Variants in CEP85L observed in about 807,000 individuals in gnomAD.
CEP85L encodes the protein centrosomal protein 85L, also known as centrosomal protein of 85 kDa-like.
A neutral mutation model predicts 100.3 loss-of-function variants in CEP85L; 60 were observed. The ratio of observed to expected loss-of-function variants is 0.60; its 90% CI spans 0.49 to 0.74. The LOEUF is 0.74. Ranked by LOEUF, CEP85L falls within the 30% of genes least tolerant of loss-of-function variation. The pLI is 0.00. For synonymous variants in CEP85L, 319 were observed against 322.7 expected (o/e 0.99, Z 0.12); for missense variants, 973 against 936.2 (o/e 1.04, Z -0.51).
intron 5 of CEP85L, among the ~76,000 whole-genome samples, chr6:118,496,249 C>T (rs927661390): frequency 1.3e-5 from 2 of 152,298 alleles, no homozygotes; most frequent in Admixed American, 1.3e-4. Flanking sequence ...TAAGTACATG[C>T]CCTTAACCCA....
intron 1 of CEP85L, among the ~76,000 whole-genome samples, chr6:118,691,853 C>G (rs886244674): frequency 6.6e-6 from 1 of 151,998 alleles, no homozygotes; most frequent in African/African-American, 2.4e-5. Flanking sequence ...TTTTTCTTTG[C>G]AAAATTACAT....
chr6:118,567,054 C>T (rs1273347365), intron 2 of CEP85L, among the ~76,000 whole-genome samples: 1 of 151,650 alleles, frequency 6.6e-6, no homozygotes, highest in Non-Finnish European at 1.5e-5. Flanking sequence ...TATGCCAGAT[C>T]TAAACATTTT....
intron 1 of CEP85L, among the ~76,000 whole-genome samples, chr6:118,674,617 C>A (rs1266073149): frequency 1.3e-5 from 2 of 151,412 alleles, no homozygotes; most frequent in African/African-American, 4.9e-5. Flanking sequence ...ACTTTTACAA[C>A]TCAACAACAA....
chr6:118,654,908 A>G (rs760539682), upstream of CEP85L, among the ~76,000 whole-genome samples: 7 of 152,254 alleles, frequency 4.6e-5, no homozygotes, highest in African/African-American at 9.6e-5. Flanking sequence ...CTCACCAAGA[A>G]AAAATAACAT....
At chr6:118,509,454 G>C (rs1178968987) in intron 5 of CEP85L, among the ~76,000 whole-genome samples, 1 of 152,040 alleles carries the variant, frequency 6.6e-6, no homozygotes, top group Non-Finnish European at 1.5e-5. Context: ...TGTGACAGAA[G>C]TCCAAGATGA....
At chr6:118,531,098 T>G (rs757987722) in intron 3 of CEP85L, among the ~76,000 whole-genome samples, 1 of 152,126 alleles carries the variant, frequency 6.6e-6, no homozygotes, top group Non-Finnish European at 1.5e-5. Context: ...TTACCCAACT[T>G]CAGACTATGC....
At chr6:118,709,253 A>G (rs1777701614) in intron 1 of CEP85L, among the ~76,000 whole-genome samples, 1 of 152,190 alleles carries the variant, frequency 6.6e-6, no homozygotes, top group Non-Finnish European at 1.5e-5. Flanking sequence ...CCACATCAAC[A>G]GCAAAACAAC....
chr6:118,479,539 C>T (rs1773625151), intron 10 of CEP85L, among the ~76,000 whole-genome samples: 1 of 152,062 alleles, frequency 6.6e-6, no homozygotes, highest in Non-Finnish European at 1.5e-5. Flanking sequence ...ACTCTCTAGC[C>T]TACTTAATTT....
chr6:118,524,208 C>T (rs1776829671), intron 3 of CEP85L, among the ~76,000 whole-genome samples: 1 of 152,118 alleles, frequency 6.6e-6, no homozygotes, highest in Non-Finnish European at 1.5e-5. Context: ...CGCCTGTAAT[C>T]CCAGCACTTT....
rs144174317 is a variant in CEP85L at position 118,634,280 on chromosome 6, T to C, written c.74-1669A>G. On this transcript the variant is annotated intron_variant, in intron 1 of 12. Coordinates refer to ENST00000368491, the MANE Select transcript of CEP85L (RefSeq NM_001042475.3). Reference sequence around the variant, plus strand: ...TTTTTAACCACACTTTTAGGATTAGTTGTTCTCTATGTCAGTATTAAAATC... The same window carrying C: ...TTTTTAACCACACTTTTAGGATTAGCTGTTCTCTATGTCAGTATTAAAATC... 7.2e-5 allele frequency among the ~76,000 whole-genome samples: 11 copies of C among 152,330 alleles called. No homozygotes were observed. In the East Asian group the frequency reaches 2.1e-3, roughly 29 times the overall value.
At chr6:118,686,936 A>G (rs1776853674) in intron 1 of CEP85L, among the ~76,000 whole-genome samples, 1 of 152,190 alleles carries the variant, frequency 6.6e-6, no homozygotes, top group Non-Finnish European at 1.5e-5. Flanking sequence ...ATGCCTTTCC[A>G]TAGCCACAGG....
intron 1 of CEP85L, among the ~76,000 whole-genome samples, chr6:118,683,884 C>CTGGT (rs1165482364): frequency 6.6e-6 from 1 of 152,122 alleles, no homozygotes; most frequent in Non-Finnish European, 1.5e-5. Flanking sequence ...GCCTTTTTTT[C>CTGGT]TGGTAGCCTA....
At chr6:118,500,511 G>C (rs1775221894) in intron 5 of CEP85L, among the ~76,000 whole-genome samples, 1 of 152,250 alleles carries the variant, frequency 6.6e-6, no homozygotes, top group Non-Finnish European at 1.5e-5. Context: ...CAGGCTGACT[G>C]ATAATTACTC....
At chr6:118,644,112 G>C (rs1476109305) in intron 1 of CEP85L, among the ~76,000 whole-genome samples, 1 of 152,198 alleles carries the variant, frequency 6.6e-6, no homozygotes, top group Non-Finnish European at 1.5e-5. Context: ...ATTTCTGCTA[G>C]GTTTATATTT....
chr6:118,503,503 A>G (rs530195602), intron 5 of CEP85L, among the ~76,000 whole-genome samples: 20 of 152,320 alleles, frequency 1.3e-4, no homozygotes, highest in African/African-American at 4.8e-4. Flanking sequence ...GGAAAAGAAC[A>G]AAGTTGGAGT....
At position 118,491,788 on chromosome 6, in the gene CEP85L, C is replaced by A. The variant is rs1774591646; in HGVS notation, c.1335G>T (p.Glu445Asp). The change falls in exon 6 of 13, where the codon GAG (glutamate) becomes GAT (aspartate). Residue 445 changes from glutamate to aspartate, a missense_variant. By Grantham distance (45) the Glu-to-Asp change is conservative. This residue lies in a region of CEP85L where 890 missense variants were observed against 844.5 expected (regional missense o/e 1.05). Coordinates refer to ENST00000368491, the MANE Select transcript of CEP85L (RefSeq NM_001042475.3). The part of the protein sequence containing the change: ...SVSHSQQGEF[E>D]QKLASTEKEV... ...CTTTCTCAGTAGATGCAAGCTTTTG[C>A]TCAAATTCCCCTTGTTGGGAATGGG... 2.6e-5 allele frequency: 42 copies of A among 1,612,868 alleles called. No individual in the cohort carries two copies. Among genetic ancestry groups the A allele is most frequent in the Non-Finnish European group, 3.5e-5 (41 of 1,179,406 alleles).
At chr6:118,511,906 TAAGTC>T (rs1340083713) in intron 4 of CEP85L, among the ~76,000 whole-genome samples, 1 of 150,850 alleles carries the variant, frequency 6.6e-6, no homozygotes, top group Non-Finnish European at 1.5e-5. Flanking sequence ...AAATAGGAGA[TAAGTC>T]AGGAGAGATT....
intron 5 of CEP85L, chr6:118,501,921 C>A: frequency 1.8e-6 from 2 of 1,094,826 alleles, no homozygotes; most frequent in Non-Finnish European, 2.7e-6. Flanking sequence ...AGTTTAAAAG[C>A]AGTAATTTAG....
At chr6:118,534,214 T>A (rs182785630) in intron 3 of CEP85L, among the ~76,000 whole-genome samples, 468 of 152,212 alleles carry the variant, frequency 3.1e-3, no homozygotes, top group African/African-American at 8.5e-3. Context: ...CAATTTTTTT[T>A]AAAAAACCAA....
Sources: gnomAD v4.1 joint callset for allele counts (sites outside exome capture counted in the v4.1 genomes callset) on GRCh38, gnomAD v4.1.1 for gene constraint, gnomAD v4.1.1 regional missense constraint, MANE v1.5 for transcripts, NCBI Gene and HGNC (gene_info 2026-07-23, HGNC 2026-07-21) for gene names.